Variants in PRKDC observed in about 807,000 individuals in gnomAD.
The protein encoded by PRKDC is DNA-dependent protein kinase catalytic subunit.
A neutral mutation model predicts 486.9 loss-of-function variants in PRKDC; 82 were observed. That is an observed-to-expected ratio of 0.17 (90% CI 0.14 to 0.20). The LOEUF (loss-of-function observed/expected upper bound fraction) is 0.20. Ranked by LOEUF, PRKDC falls within the 10% of genes least tolerant of loss-of-function variation. The pLI, the probability that PRKDC is intolerant of heterozygous loss-of-function variation, is 1.00. For missense variants in PRKDC, 4,504 were observed against 5,038.2 expected, an observed-to-expected ratio of 0.89 and a Z score of 3.21; for synonymous variants, 1,895 against 1,837.0, an observed-to-expected ratio of 1.03 and a Z score of -0.81.
chr8:47,805,992 C>A (rs757248790), intron 69 of PRKDC, among the ~76,000 whole-genome samples: 1 of 152,176 alleles, frequency 6.6e-6, no homozygotes, highest in Non-Finnish European at 1.5e-5. Context: ...CCTTCAATGG[C>A]CTCCTGATCC....
intron 28 of PRKDC, among the ~76,000 whole-genome samples, chr8:47,898,945 G>C (rs1014118551): frequency 2.0e-5 from 3 of 152,238 alleles, no homozygotes; most frequent in African/African-American, 7.2e-5. Context: ...CCACATACCA[G>C]GCCAGAGCCT....
Position 47,933,175 on chromosome 8 carries a change from TTAAA to T in PRKDC, c.1624-7_1624-4del. ...GCTTCATCTGCTAAAATAGAATCCT[TTAAA>T]TAAAGAAAAACAATAAACTTCAAAA... On this transcript the variant is annotated splice_polypyrimidine_tract_variant and splice_region_variant and intron_variant, in intron 15 of 85. Coordinates refer to ENST00000314191, the MANE Select transcript of PRKDC (RefSeq NM_006904.7). 8.1e-6 allele frequency: 12 copies of T among 1,486,148 alleles called. No individual in the cohort carries two copies. The highest frequency in any genetic ancestry group is 1.1e-5 in the Non-Finnish European group (12 of 1,119,548). 92.1% of individuals were successfully genotyped at this position (1,486,148 alleles called of 1,614,324 possible).
At chr8:47,794,181 A>T in intron 74 of PRKDC, 109 bp downstream of exon 74, 1 of 882,030 alleles carries the variant, frequency 1.1e-6, no homozygotes, top group Non-Finnish European at 1.7e-6. Context: ...TTCTTCAATG[A>T]CAACTCTAAT....
In PRKDC at chr8:47,847,686, T is replaced by C. The variant is rs538028632; in HGVS notation, c.7280+1468A>G. 5.9e-5 allele frequency among the ~76,000 whole-genome samples: 9 copies of C among 152,230 alleles called. No individual in the cohort carries two copies. In the South Asian group the frequency reaches 6.2e-4, roughly 11 times the overall value. On this transcript the variant is annotated intron_variant, in intron 54 of 85. Coordinates refer to ENST00000314191, the MANE Select transcript of PRKDC (RefSeq NM_006904.7). The stretch of plus-strand genomic sequence containing the variant: ...AGAGATTCTGTGCAGCAAGAGATAC[T>C]ATCAAGAGGGTAAACAGACAACCTA...
intron 59 of PRKDC, among the ~76,000 whole-genome samples, chr8:47,833,043 C>G (rs551335080): frequency 6.6e-6 from 1 of 152,330 alleles, no homozygotes; most frequent in South Asian, 2.1e-4. Flanking sequence ...ACCAAGCCAT[C>G]AGATCCCAGA....
chr8:47,956,349 G>A (rs2090699721), intron 3 of PRKDC, among the ~76,000 whole-genome samples: 3 of 149,502 alleles, frequency 2.0e-5, no homozygotes, highest in African/African-American at 4.9e-5. Flanking sequence ...AAGTATTCAC[G>A]GGACTCTGTG....
chr8:47,937,497 C>T (rs2090371958), intron 11 of PRKDC, among the ~76,000 whole-genome samples: 1 of 152,178 alleles, frequency 6.6e-6, no homozygotes, highest in Non-Finnish European at 1.5e-5. Context: ...CCATGTCACA[C>T]ACCCTACCAC....
Position 47,782,027 on chromosome 8 carries a change from G to A in PRKDC, c.11489+135C>T. The A allele has an allele frequency of 3.0e-6, 2 of 660,754 alleles. No individual in the cohort carries two copies. The highest frequency in any genetic ancestry group is 5.3e-6 in the Non-Finnish European group (2 of 380,486). The allele number at this position is 660,754 out of a possible 1,614,324, so 40.9% of individuals were successfully genotyped here. ...CTGGTTAGCAGCCAGCACTCCATTTGGTTTATTGACCCAGCCAGCAGACTG... is the reference window on the plus strand; with the variant it reads ...CTGGTTAGCAGCCAGCACTCCATTTAGTTTATTGACCCAGCCAGCAGACTG... On this transcript the variant is annotated intron_variant, in intron 80 of 85. Coordinates refer to ENST00000314191, the MANE Select transcript of PRKDC (RefSeq NM_006904.7). This position sits in a 1 kb window ranked among gnomAD's most constrained non-coding sequence, Gnocchi z 4.9.
intron 30 of PRKDC, among the ~76,000 whole-genome samples, chr8:47,895,940 G>A (rs2089570599): frequency 6.6e-6 from 1 of 152,102 alleles, no homozygotes; most frequent in Non-Finnish European, 1.5e-5. Flanking sequence ...TCTGGAGGAT[G>A]AGGCAGGAGA....
At chr8:47,844,128 A>C (rs143244449) in intron 54 of PRKDC, among the ~76,000 whole-genome samples, 1 of 152,260 alleles carries the variant, frequency 6.6e-6, no homozygotes, top group Non-Finnish European at 1.5e-5. Context: ...ATAAAACTCA[A>C]CTATCTTCTC....
chr8:47,863,849 G>C (rs1185080355), intron 41 of PRKDC, among the ~76,000 whole-genome samples: 1 of 152,140 alleles, frequency 6.6e-6, no homozygotes, highest in East Asian at 1.9e-4. Flanking sequence ...TCTTACTGAA[G>C]ACATGGGAAC....
Position 47,786,714 on chromosome 8 carries a change from T to C in PRKDC, c.10903-1397A>G, listed in dbSNP as rs533519361. On this transcript the variant is annotated intron_variant, in intron 76 of 85. Transcript: ENST00000314191. ...TTTGGGTAATAAACCAGAAAAAATA[T>C]TATTTAATCTTTTTTTTTTTTTTTT... Among the ~76,000 whole-genome samples the C allele has an allele frequency of 2.3e-4, 33 of 146,068 alleles. No individual in the cohort carries two copies. The South Asian group carries it at 4.9e-3, about 22-fold the overall frequency.
Position 47,900,398 on chromosome 8 carries a change from T to G in PRKDC, c.3339A>C (p.Leu1113Phe), listed in dbSNP as rs2089657474. 2 of 1,611,192 alleles carry G rather than the reference T, an allele frequency of 1.2e-6. No individual in the cohort carries two copies. Among genetic ancestry groups the G allele is most frequent in the Non-Finnish European group, 1.7e-6 (2 of 1,178,836 alleles). Residue 1113 changes from leucine (L) to phenylalanine (F), a missense_variant, in exon 28 of 86, where the codon TTA becomes TTC. Physicochemically the swap from Leu to Phe is conservative, Grantham distance 22. Coordinates refer to ENST00000314191, the MANE Select transcript of PRKDC (RefSeq NM_006904.7). ...CTAAGGACTTCTCATCTGCATGTGC[T>G]AAGGCCAGACTCTCCATGTATATCA... ...ALVIYMESLA[L>F]AHADEKSLGT...
chr8:47,817,161 T>C (rs1377918349), intron 68 of PRKDC, among the ~76,000 whole-genome samples: 2 of 152,204 alleles, frequency 1.3e-5, no homozygotes, highest in African/African-American at 4.8e-5. Context: ...TAACATTCCG[T>C]TGTGAGAGAA....
Position 47,836,327 on chromosome 8 carries a change from G to T in PRKDC, c.7951+11C>A, listed in dbSNP as rs773942070. 2 of 1,551,966 alleles carry T rather than the reference G, an allele frequency of 1.3e-6. No homozygotes were observed. The highest frequency in any genetic ancestry group is 1.2e-5 in the South Asian group (1 of 80,886). Reference sequence around the variant, plus strand: ...GCTGTATACATGGCCAGCGGGCAGGGTCACTGTTACCTGCAGTCTGTGTCA... The same window carrying T: ...GCTGTATACATGGCCAGCGGGCAGGTTCACTGTTACCTGCAGTCTGTGTCA... On this transcript the variant is annotated intron_variant, in intron 58 of 85. Transcript: ENST00000314191.
intron 46 of PRKDC, 21 bp from the exon 47 acceptor site, chr8:47,859,007 G>T: frequency 6.2e-7 from 1 of 1,610,410 alleles, no homozygotes. Context: ...GAGGGCCCAG[G>T]AGAGCAGAGG....
At chr8:47,895,631 C>G (rs908552627) in intron 30 of PRKDC, among the ~76,000 whole-genome samples, 1 of 152,154 alleles carries the variant, frequency 6.6e-6, no homozygotes, top group Non-Finnish European at 1.5e-5. Flanking sequence ...CTGCCCACTG[C>G]CCTCCAGCCC....
Position 47,889,033 on chromosome 8 carries a change from C to T in PRKDC, c.4261G>A (p.Glu1421Lys). 3.1e-6 allele frequency: 5 copies of T among 1,613,872 alleles called. No homozygotes were observed. The South Asian group carries it at 4.4e-5, about 14-fold the overall frequency. Residue 1421 changes from glutamate to lysine, a missense_variant, in exon 33 of 86, where the codon GAG (glutamate) becomes AAG (lysine). Transcript: ENST00000314191. ...ACCCACCTCTGTGCTGTTATTTTCT[C>T]TCTCAGATGGGTCTCTAGGATATCT... ...YKDILETHLR[E>K]KITAQSIEEL...
intron 74 of PRKDC, among the ~76,000 whole-genome samples, chr8:47,790,249 T>C (rs2086862222): frequency 6.6e-6 from 1 of 152,220 alleles, no homozygotes. Flanking sequence ...CAGTAGCATT[T>C]CTATATGCCA....
Sources: gnomAD v4.1 joint callset for allele counts (sites outside exome capture counted in the v4.1 genomes callset) on GRCh38, gnomAD v4.1.1 for gene constraint, Gnocchi (gnomAD v3.1) non-coding constraint, MANE v1.5 for transcripts, NCBI Gene and HGNC (gene_info 2026-07-23, HGNC 2026-07-21) for gene names.